Variants in STYK1 observed in about 807,000 individuals in gnomAD.
The protein encoded by STYK1 is STY kinase 1.
In STYK1, 46 loss-of-function variants were observed where a neutral mutation model predicts 48.1. The ratio of observed to expected loss-of-function variants is 0.96; its 90% CI spans 0.75 to 1.22. The LOEUF is 1.22. Ranked by LOEUF, STYK1 falls within the 50% of genes most tolerant of loss-of-function variation. The probability of loss-of-function intolerance (pLI) is 0.00; values close to 1 mark genes in which losing one functional copy is unlikely to be tolerated. For synonymous variants in STYK1, 188 were observed against 189.0 expected, an observed-to-expected ratio of 0.99 and a Z score of 0.04; for missense variants, 527 against 521.1, an observed-to-expected ratio of 1.01 and a Z score of -0.11.
chr12:10,653,021 T>C (rs1947678355), intron 1 of STYK1, among the ~76,000 whole-genome samples: 1 of 152,112 alleles, frequency 6.6e-6, no homozygotes, highest in Non-Finnish European at 1.5e-5. Flanking sequence ...ATTATGACAC[T>C]GGGTCAATGA....
intron 1 of STYK1, among the ~76,000 whole-genome samples, chr12:10,655,199 A>G (rs1947704927): frequency 6.6e-6 from 1 of 152,180 alleles, no homozygotes; most frequent in Non-Finnish European, 1.5e-5. Context: ...GTACCTTGGG[A>G]TAGAACACAG....
intron 1 of STYK1, among the ~76,000 whole-genome samples, chr12:10,645,292 G>T (rs1218148106): frequency 6.6e-6 from 1 of 152,182 alleles, no homozygotes; most frequent in African/African-American, 2.4e-5. Context: ...TGAGGATGTG[G>T]AGAAAATGTG....
intron 1 of STYK1, among the ~76,000 whole-genome samples, chr12:10,656,077 G>C (rs1200322177): frequency 6.6e-6 from 1 of 152,108 alleles, no homozygotes; most frequent in African/African-American, 2.4e-5. Context: ...AATTATGGGG[G>C]CAGATCTTCA....
intron 5 of STYK1, 96 bp downstream of exon 5, chr12:10,630,949 T>C (rs1379923143): frequency 7.4e-6 from 11 of 1,489,132 alleles, no homozygotes; most frequent in South Asian, 1.3e-5. Flanking sequence ...TACACAGTTA[T>C]GATCACAACT....
intron 1 of STYK1, among the ~76,000 whole-genome samples, chr12:10,670,995 A>ATTTTTTTTTTTTTTTTTTTTTTTTT (rs763044772): frequency 9.0e-6 from 1 of 110,508 alleles, no homozygotes; most frequent in Non-Finnish European, 1.7e-5. Context: ...GAATATATTG[A>ATTTTTTTTTTTTTTTTTTTTTTTTT]TTTTTTTTTT....
intron 1 of STYK1, among the ~76,000 whole-genome samples, chr12:10,654,825 T>C (rs1316610895): frequency 1.3e-5 from 2 of 152,194 alleles, no homozygotes; most frequent in Admixed American, 6.5e-5. Context: ...TTAATCTGCC[T>C]TGCACTCTTT....
intron 1 of STYK1, among the ~76,000 whole-genome samples, chr12:10,653,793 G>A (rs1947688641): frequency 6.6e-6 from 1 of 152,132 alleles, no homozygotes; most frequent in Non-Finnish European, 1.5e-5. Flanking sequence ...GACTTGTCCT[G>A]GGAACAAAAA....
intron 1 of STYK1, among the ~76,000 whole-genome samples, chr12:10,663,641 T>G (rs1255119104): frequency 7.2e-6 from 1 of 139,230 alleles, no homozygotes; most frequent in African/African-American, 2.7e-5. Context: ...AAAAAAATCA[T>G]TAAGTGTGAT....
chr12:10,637,898 C>T (rs1198750318), intron 1 of STYK1, among the ~76,000 whole-genome samples: 4 of 152,158 alleles, frequency 2.6e-5, no homozygotes, highest in South Asian at 2.1e-4. Flanking sequence ...GATGACTCTT[C>T]GATGGGTTCA....
At chr12:10,650,218 T>C (rs990094625) in intron 1 of STYK1, among the ~76,000 whole-genome samples, 2 of 151,370 alleles carry the variant, frequency 1.3e-5, no homozygotes, top group African/African-American at 2.4e-5. Context: ...GAAAGCCAAG[T>C]TGGGACTCCC....
chr12:10,647,167 T>A (rs1947609864), intron 1 of STYK1, among the ~76,000 whole-genome samples: 1 of 152,140 alleles, frequency 6.6e-6, no homozygotes, highest in African/African-American at 2.4e-5. Context: ...GAATGGTAGA[T>A]CCACCAACAG....
intron 9 of STYK1, 28 bp downstream of exon 9, chr12:10,622,610 T>A: frequency 6.2e-7 from 1 of 1,613,670 alleles, no homozygotes; most frequent in Non-Finnish European, 8.5e-7. Context: ...TGCATACAGG[T>A]ACACACTATT....
intron 1 of STYK1, among the ~76,000 whole-genome samples, chr12:10,662,926 CA>C (rs996517447): frequency 6.6e-6 from 1 of 152,158 alleles, no homozygotes; most frequent in African/African-American, 2.4e-5. Context: ...ACCAATATCA[CA>C]AAGATTTACA....
At chr12:10,636,094 A>G (rs1046280233) in intron 2 of STYK1, among the ~76,000 whole-genome samples, 1 of 152,218 alleles carries the variant, frequency 6.6e-6, no homozygotes, top group Non-Finnish European at 1.5e-5. Context: ...TAGCCATATT[A>G]TGCTGTCCTC....
At chr12:10,624,128 G>A (rs1947329187) in intron 8 of STYK1, among the ~76,000 whole-genome samples, 1 of 150,864 alleles carries the variant, frequency 6.6e-6, no homozygotes, top group Non-Finnish European at 1.5e-5. Flanking sequence ...TAATACAGAA[G>A]AAATACTTGA....
chr12:10,640,309 C>G (rs1591686762), intron 1 of STYK1, among the ~76,000 whole-genome samples: 1 of 152,114 alleles, frequency 6.6e-6, no homozygotes, highest in African/African-American at 2.4e-5. Flanking sequence ...TCTAGGGAAA[C>G]AAACCAGTGA....
rs6650202 is a variant in STYK1, at chr12:10,631,285, T to C, written c.211A>G (p.Arg71Gly). 4,594 of 1,614,108 alleles carry C rather than the reference T, an allele frequency of 2.8e-3. 119 individuals are homozygous for C. In the African/African-American group the frequency reaches 0.054, roughly 19 times the overall value. The change falls in exon 5 of 11, where the codon AGG (arginine) becomes GGG (glycine). Residue 71 changes from arginine (R) to glycine (G), a missense_variant. Coordinates refer to ENST00000075503, the MANE Select transcript of STYK1 (RefSeq NM_018423.3). ...TGTCCTGCTTCCCAGCTTAGGTCCC[T>C]AGGTGGAGGAACAGGGGCAATGCCT... The part of the protein sequence containing the change: ...PQGIAPVPPP[R>G]DLSWEAGHGG...
rs1035086214 is a variant in STYK1 at position 10,618,995 on chromosome 12, C to G, written c.*1149G>C. 6 of 152,182 alleles carry G rather than the reference C, an allele frequency of 3.9e-5. No individual in the cohort carries two copies. The highest frequency in any genetic ancestry group is 1.3e-4 in the Admixed American group (2 of 15,268). The allele number at this position is 152,182 out of a possible 1,614,324, so 9.4% of individuals were successfully genotyped here. On this transcript the variant is annotated 3_prime_UTR_variant, in exon 11 of 11. Transcript: ENST00000075503. The stretch of plus-strand genomic sequence containing the variant: ...GTGCCAGATAGTGTACAAATACATA[C>G]TCAAAACGTATCAATCCTCAGAACA...
chr12:10,634,099 C>T lies in STYK1; in HGVS notation c.78G>A (p.Val26=). 6.2e-7 allele frequency: 1 copy of T among 1,614,066 alleles called. No individual in the cohort carries two copies. The highest frequency in any genetic ancestry group is 1.1e-5 in the South Asian group (1 of 91,064). The change falls in exon 4 of 11, where the codon GTG becomes GTA. Residue 26 remains valine, a synonymous_variant. Coordinates refer to ENST00000075503, the MANE Select transcript of STYK1 (RefSeq NM_018423.3). ...LCVIQEKQYE[V]IIVPTLLVTI... The stretch of plus-strand genomic sequence containing the variant: ...TAACCAACAAAGTTGGGACGATAAT[C>T]ACTTCATACTGCTTCTCCTGGATGA...
Sources: gnomAD v4.1 joint callset for allele counts (sites outside exome capture counted in the v4.1 genomes callset) on GRCh38, gnomAD v4.1.1 for gene constraint, MANE v1.5 for transcripts, NCBI Gene and HGNC (gene_info 2026-07-23, HGNC 2026-07-21) for gene names.